Variants in MTHFD2L observed in about 807,000 individuals in gnomAD.
MTHFD2L encodes bifunctional methylenetetrahydrofolate dehydrogenase/cyclohydrolase 2, mitochondrial.
In MTHFD2L, 29 loss-of-function variants were observed where a neutral mutation model predicts 34.9. The observed-to-expected ratio is 0.83, with a 90% CI of 0.62 to 1.13. The LOEUF is 1.13. MTHFD2L is among the 50% of genes most tolerant of loss of function. The pLI is 0.00. For missense variants in MTHFD2L, 481 were observed against 446.5 expected (o/e 1.08, Z -0.70); for synonymous variants, 167 against 155.7 (o/e 1.07, Z -0.54).
At chr4:74,244,977 A>C (rs1236548096) in intron 6 of MTHFD2L, among the ~76,000 whole-genome samples, 1 of 151,874 alleles carries the variant, frequency 6.6e-6, no homozygotes, top group Non-Finnish European at 1.5e-5. Flanking sequence ...GGCGGATCAC[A>C]AGGTCAAGAG....
chr4:74,192,085 CAG>C (rs917504589), intron 3 of MTHFD2L, among the ~76,000 whole-genome samples: 12 of 152,066 alleles, frequency 7.9e-5, no homozygotes, highest in African/African-American at 2.9e-4. Flanking sequence ...AAGAAAAAGA[CAG>C]AAATTTCTGT....
chr4:74,202,104 G>A (rs968791057), intron 5 of MTHFD2L, among the ~76,000 whole-genome samples: 2 of 152,156 alleles, frequency 1.3e-5, no homozygotes. Context: ...CAGACTCCAC[G>A]CACAGTGCTG....
upstream of MTHFD2L, among the ~76,000 whole-genome samples, chr4:74,118,699 G>A (rs1440976732): frequency 1.3e-5 from 2 of 152,202 alleles, no homozygotes; most frequent in African/African-American, 4.8e-5. Flanking sequence ...CAAACCCTGA[G>A]CCAAGAACTG....
upstream of MTHFD2L, chr4:74,157,551 C>T: frequency 2.5e-6 from 1 of 405,342 alleles, no homozygotes; most frequent in South Asian, 1.8e-5. Context: ...ATATTTCCTT[C>T]CAAAAGTGGA....
intron 7 of MTHFD2L, among the ~76,000 whole-genome samples, chr4:74,281,795 G>C (rs563805788): frequency 6.7e-6 from 1 of 150,264 alleles, no homozygotes; most frequent in Non-Finnish European, 1.5e-5. Flanking sequence ...TTAATATTTG[G>C]TTTAGGGATC....
chr4:74,158,868 C>T (rs1156515868), intron 1 of MTHFD2L, among the ~76,000 whole-genome samples: 1 of 152,144 alleles, frequency 6.6e-6, no homozygotes, highest in African/African-American at 2.4e-5. Context: ...TGGCAAGAAC[C>T]ATGCAAATAC....
intron 7 of MTHFD2L, 43 bp downstream of exon 7, chr4:74,281,593 A>AC: frequency 6.4e-7 from 1 of 1,561,304 alleles, no homozygotes; most frequent in Non-Finnish European, 8.6e-7. Flanking sequence ...AGATAAAAAA[A>AC]TTCCACCTTA....
intron 1 of MTHFD2L, among the ~76,000 whole-genome samples, chr4:74,139,681 C>T (rs1416952052): frequency 6.6e-6 from 1 of 152,220 alleles, no homozygotes; most frequent in Non-Finnish European, 1.5e-5. Context: ...CTTTGTGGAC[C>T]TGGGAACTAA....
chr4:74,220,342 G>A (rs900761815), intron 5 of MTHFD2L, among the ~76,000 whole-genome samples: 9 of 151,796 alleles, frequency 5.9e-5, no homozygotes, highest in Admixed American at 5.9e-4. Context: ...GTAAATAACT[G>A]GGCAGAAGGT....
chr4:74,199,587 T>C (rs1021083044), intron 3 of MTHFD2L, among the ~76,000 whole-genome samples: 1 of 152,020 alleles, frequency 6.6e-6, no homozygotes, highest in Non-Finnish European at 1.5e-5. Context: ...TAGCATATAC[T>C]CCAACTGCAG....
At chr4:74,174,755 TA>T in intron 2 of MTHFD2L, 65 bp downstream of exon 2, 1 of 1,119,638 alleles carries the variant, frequency 8.9e-7, no homozygotes, top group South Asian at 2.7e-5. Flanking sequence ...CAAATTGTGA[TA>T]ATTATGAATG....
intron 3 of MTHFD2L, among the ~76,000 whole-genome samples, chr4:74,176,351 G>A (rs1729029492): frequency 6.6e-6 from 1 of 151,970 alleles, no homozygotes; most frequent in African/African-American, 2.4e-5. Flanking sequence ...TTCGCTTCAT[G>A]CGGGCCTAGG....
intron 6 of MTHFD2L, among the ~76,000 whole-genome samples, chr4:74,228,429 G>T (rs370899625): frequency 4.6e-5 from 7 of 152,300 alleles, no homozygotes; most frequent in African/African-American, 1.7e-4. Flanking sequence ...TTAACAGCTT[G>T]TACAGAATAT....
At chr4:74,164,199 T>C (rs746845507) in intron 1 of MTHFD2L, among the ~76,000 whole-genome samples, 1 of 152,080 alleles carries the variant, frequency 6.6e-6, no homozygotes, top group Non-Finnish European at 1.5e-5. Context: ...ATTATAGAGA[T>C]AAAATGGTTC....
chr4:74,288,696 C>T (rs1748501284), intron 7 of MTHFD2L, among the ~76,000 whole-genome samples: 1 of 152,110 alleles, frequency 6.6e-6, no homozygotes. Flanking sequence ...TTGGTGAAAT[C>T]CTAGTGTCAC....
rs1256608974 is a variant in MTHFD2L at position 74,142,659 on chromosome 4, A to T, written c.-297+17142A>T. 2.0e-5 allele frequency among the ~76,000 whole-genome samples: 3 copies of T among 152,342 alleles called. No homozygotes were observed. In the East Asian group the frequency reaches 5.8e-4, roughly 29 times the overall value. Reference sequence around the variant, plus strand: ...TGAAATAATTGACATGTATTATGGGAAACTGATGTATCAAGATAACAACAT... The same window carrying T: ...TGAAATAATTGACATGTATTATGGGTAACTGATGTATCAAGATAACAACAT... On this transcript the variant is annotated intron_variant, in intron 1 of 7. Coordinates refer to the MTHFD2L transcript ENST00000433372.
chr4:74,129,064 A>C (rs930183656), intron 1 of MTHFD2L, among the ~76,000 whole-genome samples: 1 of 152,000 alleles, frequency 6.6e-6, no homozygotes, highest in African/African-American at 2.4e-5. Flanking sequence ...CTGTAATATT[A>C]TAGGTTTTTG....
At chr4:74,157,545 T>A (rs907168771), upstream of MTHFD2L, 1 of 402,540 alleles carries the variant, frequency 2.5e-6, no homozygotes, top group Admixed American at 2.7e-5. Context: ...TGGTCAATAT[T>A]TCCTTCCAAA....
intron 1 of MTHFD2L, among the ~76,000 whole-genome samples, chr4:74,142,814 G>A (rs1415814819): frequency 1.3e-5 from 2 of 152,122 alleles, no homozygotes; most frequent in African/African-American, 4.8e-5. Context: ...ATTATTCAAG[G>A]ATAATGGGTC....
Sources: gnomAD v4.1 joint callset for allele counts (sites outside exome capture counted in the v4.1 genomes callset) on GRCh38, gnomAD v4.1.1 for gene constraint, MANE v1.5 for transcripts, NCBI Gene and HGNC (gene_info 2026-07-23, HGNC 2026-07-21) for gene names.